The following PDK1 variants were observed in gnomAD, a reference collection of about 807,000 sequenced individuals.
PDK1 encodes [Pyruvate dehydrogenase (acetyl-transferring)] kinase isozyme 1, mitochondrial.
In PDK1, 39 loss-of-function variants were observed where a neutral mutation model predicts 54.2. The ratio of observed to expected loss-of-function variants is 0.72; its 90% CI spans 0.56 to 0.94. The LOEUF is 0.94. Ranked by LOEUF, PDK1 falls within the 40% of genes least tolerant of loss-of-function variation. The pLI is 0.00. For missense variants in PDK1, 552 were observed against 566.0 expected (o/e 0.98, Z 0.25); for synonymous variants, 221 against 207.1 (o/e 1.07, Z -0.58).
the PDK1 span, among the ~76,000 whole-genome samples, chr2:172,689,093 G>A: frequency 1.3e-5 from 2 of 152,190 alleles, no homozygotes; most frequent in East Asian, 3.8e-4. Context: ...TTTTATTCCT[G>A]TATTTGTCCC....
rs1691029427 is a variant in PDK1, at chr2:172,599,208, C to A, written c.*3239C>A. ...TAACCAGCATTACCCTCTGCTTGTA[C>A]CAATTGAATGGCAGAACTACTATAG... On this transcript the variant is annotated 3_prime_UTR_variant, in exon 11 of 11. Transcript: ENST00000282077. 3 of 150,174 alleles carry A rather than the reference C, an allele frequency of 2.0e-5. No homozygotes were observed. Among genetic ancestry groups the A allele is most frequent in the Admixed American group, 6.6e-5 (1 of 15,064 alleles). The allele number at this position is 150,174 out of a possible 1,614,324, so 9.3% of individuals were successfully genotyped here. A position where few individuals can be genotyped will look rare whatever the true frequency, so the allele number is the denominator to read the frequency against.
In PDK1 at chr2:172,601,784, G is replaced by T. The variant is rs927032497; in HGVS notation, c.*5815G>T. The T allele has an allele frequency of 3.3e-5, 5 of 152,070 alleles. No individual in the cohort carries two copies. The highest frequency in any genetic ancestry group is 1.2e-4 in the African/African-American group (5 of 41,408). The allele number at this position is 152,070 out of a possible 1,614,324, so 9.4% of individuals were successfully genotyped here. On this transcript the variant is annotated 3_prime_UTR_variant, in exon 11 of 11. Coordinates refer to ENST00000282077, the MANE Select transcript of PDK1 (RefSeq NM_002610.5). ...GAGGCTTTGCAGGCTGCAGCAGAAG[G>T]GACCCTTCAGATAAACCTCCAGTCA...
intron 1 of PDK1, chr2:172,556,692 C>A: frequency 4.5e-6 from 1 of 221,858 alleles, no homozygotes; most frequent in Non-Finnish European, 8.8e-6. Flanking sequence ...CGTGGGCACC[C>A]CCGAGAATCG....
the PDK1 span, among the ~76,000 whole-genome samples, chr2:172,711,379 T>A: frequency 6.6e-6 from 1 of 152,202 alleles, no homozygotes; most frequent in Non-Finnish European, 1.5e-5. Flanking sequence ...AAGTAACAAT[T>A]CTTTGCCCAG....
chr2:172,698,426 C>G, the PDK1 span, among the ~76,000 whole-genome samples: 1 of 152,232 alleles, frequency 6.6e-6, no homozygotes, highest in Non-Finnish European at 1.5e-5. Context: ...TCAGCAACGT[C>G]TGGTCTTCCA....
At chr2:172,640,632 G>T in the PDK1 span, among the ~76,000 whole-genome samples, 4 of 152,236 alleles carry the variant, frequency 2.6e-5, no homozygotes, top group African/African-American at 9.6e-5. Context: ...TGTGCTTGGA[G>T]CATGTGGCCT....
chr2:172,708,021 A>G, the PDK1 span, among the ~76,000 whole-genome samples: 1 of 152,184 alleles, frequency 6.6e-6, no homozygotes, highest in Non-Finnish European at 1.5e-5. Flanking sequence ...AAAAATGACC[A>G]GCCAGGCGTG....
At chr2:172,628,845 A>G in the PDK1 span, among the ~76,000 whole-genome samples, 2 of 152,202 alleles carry the variant, frequency 1.3e-5, no homozygotes, top group South Asian at 2.1e-4. Context: ...GTTGTGGGCC[A>G]TGGTGGCTCA....
chr2:172,659,908 C>T, the PDK1 span, among the ~76,000 whole-genome samples: 13 of 152,282 alleles, frequency 8.5e-5, no homozygotes, highest in African/African-American at 2.2e-4. Flanking sequence ...AAACCACACA[C>T]GCTTTAGCTG....
At chr2:172,632,424 G>C in the PDK1 span, among the ~76,000 whole-genome samples, 1 of 152,054 alleles carries the variant, frequency 6.6e-6, no homozygotes, top group African/African-American at 2.4e-5. Flanking sequence ...ATCTTCCTTC[G>C]TGAAAGAATT....
chr2:172,625,892 CATGA>C, the PDK1 span, among the ~76,000 whole-genome samples: 2 of 152,110 alleles, frequency 1.3e-5, no homozygotes, highest in Admixed American at 6.6e-5. Flanking sequence ...TGCTTAATGA[CATGA>C]ATGAATCAGT....
the PDK1 span, among the ~76,000 whole-genome samples, chr2:172,621,501 A>G: frequency 6.6e-6 from 1 of 150,446 alleles, no homozygotes; most frequent in African/African-American, 2.4e-5. Flanking sequence ...CCTTGTGATC[A>G]TGTGAGTTAA....
At chr2:172,658,024 G>T in the PDK1 span, among the ~76,000 whole-genome samples, 2 of 152,078 alleles carry the variant, frequency 1.3e-5, no homozygotes. Context: ...AAAGTGCCTG[G>T]CTCCTTCTAA....
chr2:172,713,973 G>A, the PDK1 span, among the ~76,000 whole-genome samples: 16 of 152,368 alleles, frequency 1.1e-4, no homozygotes, highest in Non-Finnish European at 2.2e-4. Flanking sequence ...CACAAGGAAA[G>A]TTATCATACC....
the PDK1 span, among the ~76,000 whole-genome samples, chr2:172,664,629 G>GT: frequency 6.6e-5 from 10 of 151,912 alleles, no homozygotes; most frequent in Admixed American, 3.3e-4. Context: ...TCATTGTTCT[G>GT]TTTTTTCTTC....
chr2:172,620,360 G>C, the PDK1 span, among the ~76,000 whole-genome samples: 2 of 152,098 alleles, frequency 1.3e-5, no homozygotes, highest in Non-Finnish European at 1.5e-5. Flanking sequence ...TGCCCAAAGA[G>C]GACTGAAACA....
chr2:172,662,033 A>C, the PDK1 span, among the ~76,000 whole-genome samples: 1 of 152,240 alleles, frequency 6.6e-6, no homozygotes, highest in Non-Finnish European at 1.5e-5. Context: ...TAGTTGTTAC[A>C]ATGTGAATAG....
At chr2:172,633,418 G>C in the PDK1 span, among the ~76,000 whole-genome samples, 1 of 92,996 alleles carries the variant, frequency 1.1e-5, no homozygotes, top group Non-Finnish European at 2.0e-5. Context: ...CCATTTTCTT[G>C]ACACTTCCAA....
the PDK1 span, among the ~76,000 whole-genome samples, chr2:172,676,918 A>G: frequency 6.6e-6 from 1 of 152,336 alleles, no homozygotes; most frequent in Non-Finnish European, 1.5e-5. Flanking sequence ...CATCCTGATC[A>G]GTCAGCAGCC....
Sources: gnomAD v4.1 joint callset for allele counts (sites outside exome capture counted in the v4.1 genomes callset) on GRCh38, gnomAD v4.1.1 for gene constraint, MANE v1.5 for transcripts, NCBI Gene and HGNC (gene_info 2026-07-23, HGNC 2026-07-21) for gene names.